The following CORO2B variants were observed in gnomAD, a reference collection of about 807,000 sequenced individuals.
CORO2B encodes coronin-2B.
Under a neutral mutation model 58.8 loss-of-function variants are expected in CORO2B, and 26 were observed. The ratio of observed to expected loss-of-function variants is 0.44; its 90% CI spans 0.32 to 0.61. CORO2B has a LOEUF of 0.61. Among genes scored for constraint, CORO2B ranks in the 20% least tolerant of loss-of-function variants. CORO2B has a pLI of 0.04. For synonymous variants in CORO2B, 242 were observed against 253.8 expected (o/e 0.95, Z 0.44); for missense variants, 460 against 645.1 (o/e 0.71, Z 3.11).
intron 2 of CORO2B, among the ~76,000 whole-genome samples, chr15:68,680,381 A>G (rs1263473583): frequency 6.6e-6 from 1 of 152,182 alleles, no homozygotes; most frequent in Non-Finnish European, 1.5e-5. Context: ...TTGGGAGGGC[A>G]ACAAACACCC....
the CORO2B span, among the ~76,000 whole-genome samples, chr15:68,533,135 A>C: frequency 6.6e-6 from 1 of 152,216 alleles, no homozygotes; most frequent in East Asian, 1.9e-4. Flanking sequence ...ACCACAATCC[A>C]GAATGTGCCT....
At chr15:68,655,390 G>A (rs1566997556) in intron 2 of CORO2B, among the ~76,000 whole-genome samples, 1 of 152,158 alleles carries the variant, frequency 6.6e-6, no homozygotes, top group East Asian at 1.9e-4. Flanking sequence ...GCCTCTCGCC[G>A]GCCCTCCTCC....
chr15:68,653,820 C>G (rs559106610), intron 2 of CORO2B, among the ~76,000 whole-genome samples: 29 of 151,328 alleles, frequency 1.9e-4, no homozygotes, highest in African/African-American at 4.9e-4. Flanking sequence ...ATCACTCCCC[C>G]ACAATCAGCA....
At chr15:68,644,421 G>A (rs371349345) in intron 1 of CORO2B, among the ~76,000 whole-genome samples, 1 of 152,182 alleles carries the variant, frequency 6.6e-6, no homozygotes, top group East Asian at 1.9e-4. Flanking sequence ...AGATGACTTT[G>A]ATACAGGTGA....
intron 2 of CORO2B, among the ~76,000 whole-genome samples, chr15:68,652,722 A>G (rs1450044684): frequency 1.3e-5 from 2 of 152,210 alleles, no homozygotes; most frequent in African/African-American, 4.8e-5. Context: ...CTCAAGTTCT[A>G]TGATGAAAGT....
At chr15:68,567,859 AAAATAT>A in the CORO2B span, among the ~76,000 whole-genome samples, 1 of 152,100 alleles carries the variant, frequency 6.6e-6, no homozygotes, top group Non-Finnish European at 1.5e-5. Flanking sequence ...GTCTCTACTA[AAAATAT>A]AAAAATTAGT....
chr15:68,522,695 G>T, the CORO2B span, among the ~76,000 whole-genome samples: 15,123 of 152,066 alleles, frequency 0.099, 949 homozygotes, highest in East Asian at 0.2. Flanking sequence ...TTTCAGTTTT[G>T]GAATTTGCTT....
intron 1 of CORO2B, among the ~76,000 whole-genome samples, chr15:68,607,535 G>C (rs1031778372): frequency 6.6e-6 from 1 of 152,088 alleles, no homozygotes; most frequent in Non-Finnish European, 1.5e-5. Context: ...GAGCTTCTTT[G>C]GGCCAGGCAC....
At chr15:68,623,852 A>G (rs923082112) in intron 1 of CORO2B, among the ~76,000 whole-genome samples, 1 of 152,174 alleles carries the variant, frequency 6.6e-6, no homozygotes, top group Non-Finnish European at 1.5e-5. Flanking sequence ...CATTGTCGAC[A>G]CCACGGATTA....
intron 1 of CORO2B, among the ~76,000 whole-genome samples, chr15:68,591,124 T>G (rs1044857976): frequency 1.3e-5 from 2 of 151,944 alleles, no homozygotes; most frequent in African/African-American, 4.8e-5. Context: ...GCAGGGATGT[T>G]GGGGAAGGGA....
chr15:68,563,154 C>T, the CORO2B span, among the ~76,000 whole-genome samples: 1 of 151,332 alleles, frequency 6.6e-6, no homozygotes, highest in Non-Finnish European at 1.5e-5. Context: ...GAAGAGCAAA[C>T]TAAACCCAAA....
At chr15:68,536,778 G>C in the CORO2B span, among the ~76,000 whole-genome samples, 452 of 152,332 alleles carry the variant, frequency 3.0e-3, 1 homozygote, top group African/African-American at 0.01. Context: ...TGTGACTAAG[G>C]TCTGGCCAAT....
intron 9 of CORO2B, 147 bp downstream of exon 9, chr15:68,718,957 C>T (rs868831998): frequency 9.5e-5 from 80 of 841,670 alleles, no homozygotes; most frequent in Middle Eastern, 2.7e-4. Context: ...GGGGCATTCT[C>T]AGATGGGGAC....
intron 1 of CORO2B, chr15:68,631,967 G>A: frequency 1.0e-6 from 1 of 985,494 alleles, no homozygotes; most frequent in Non-Finnish European, 1.2e-6. Context: ...GCTGGAGTGG[G>A]CTCTCTCTTG....
chr15:68,590,503 C>T (rs1657391931), intron 1 of CORO2B, among the ~76,000 whole-genome samples: 1 of 152,062 alleles, frequency 6.6e-6, no homozygotes, highest in African/African-American at 2.4e-5. Flanking sequence ...GGGCCATAAC[C>T]CGCTGGCTGC....
intron 2 of CORO2B, among the ~76,000 whole-genome samples, chr15:68,655,069 C>T (rs1595992588): frequency 6.6e-6 from 1 of 152,154 alleles, no homozygotes; most frequent in Admixed American, 6.5e-5. Flanking sequence ...CCAGGGCTGC[C>T]ATGGAGCCTG....
chr15:68,699,800 T>C (rs1311018904), intron 3 of CORO2B, among the ~76,000 whole-genome samples: 2 of 152,196 alleles, frequency 1.3e-5, no homozygotes, highest in African/African-American at 4.8e-5. Flanking sequence ...GAAGGTCCCC[T>C]GACTCCCAGT....
chr15:68,597,050 A>G (rs1030729215), intron 1 of CORO2B, among the ~76,000 whole-genome samples: 1 of 150,842 alleles, frequency 6.6e-6, no homozygotes, highest in Non-Finnish European at 1.5e-5. Flanking sequence ...GTCCAACCTC[A>G]TTAGTATTTT....
intron 2 of CORO2B, among the ~76,000 whole-genome samples, chr15:68,654,258 T>C (rs2046924): frequency 0.97 from 148,114 of 152,326 alleles, 72,161 homozygotes; most frequent in Middle Eastern, 1. Context: ...ATGGGATGGG[T>C]GTTCTCTGGA....
Sources: gnomAD v4.1 joint callset for allele counts (sites outside exome capture counted in the v4.1 genomes callset) on GRCh38, gnomAD v4.1.1 for gene constraint, MANE v1.5 for transcripts, NCBI Gene and HGNC (gene_info 2026-07-23, HGNC 2026-07-21) for gene names.